Variants in GLIS1 observed in about 807,000 individuals in gnomAD.
GLIS1 encodes the protein GLIS family zinc finger 1, also known as zinc finger protein GLIS1.
GLIS1 carries 24 observed loss-of-function variants against 63.8 expected under a neutral mutation model. That is an observed-to-expected ratio of 0.38 (90% CI 0.27 to 0.53). The LOEUF (loss-of-function observed/expected upper bound fraction) is 0.53. GLIS1 is among the 20% of genes least tolerant of loss of function. The pLI is 0.85. For missense variants in GLIS1, 1,036 were observed against 1,074.1 expected, an observed-to-expected ratio of 0.96 and a Z score of 0.50; for synonymous variants, 450 against 482.5, an observed-to-expected ratio of 0.93 and a Z score of 0.88.
chr1:53,638,564 C>T (rs1285570892), intron 2 of GLIS1, among the ~76,000 whole-genome samples: 2 of 152,210 alleles, frequency 1.3e-5, no homozygotes, highest in Non-Finnish European at 2.9e-5. Context: ...GCCACCCAAT[C>T]CCAAAGCCTC....
intron 5 of GLIS1, among the ~76,000 whole-genome samples, chr1:53,527,213 G>A (rs550190626): frequency 1.2e-4 from 19 of 152,348 alleles, no homozygotes; most frequent in Non-Finnish European, 2.4e-4. Flanking sequence ...CGGTGGCCTC[G>A]AATGGTCCAG....
In GLIS1 at chr1:53,601,006, T is replaced by C. The variant is rs541570908; in HGVS notation, c.260-728A>G. Among the ~76,000 whole-genome samples, 68 of 152,208 alleles carry C rather than the reference T, an allele frequency of 4.5e-4. 2 individuals carry two copies. Among genetic ancestry groups the C allele is most frequent in the Middle Eastern group, 6.8e-3 (2 of 294 alleles). On this transcript the variant is annotated intron_variant, in intron 2 of 10. Transcript: ENST00000628545. ...AGAGTCAGGCGTGCTTGTTCTAAGC[T>C]CCTTCCCCTCTCTGGGCCTCAGTTT...
intron 7 of GLIS1, 144 bp downstream of exon 7, chr1:53,520,490 G>C (rs982279348): frequency 1.1e-6 from 1 of 914,658 alleles, no homozygotes; most frequent in Non-Finnish European, 1.5e-6. Flanking sequence ...ACCAGAGGCA[G>C]AGGCAACCAA....
rs59283679 is a variant in GLIS1, at chr1:53,524,785, G to T, written c.1585C>A (p.Arg529Ser). Reference sequence around the variant, plus strand: ...GAGGAGGGCTGGCTTACCTTCTTACGCACCTGCTGCTCTTTGGCTGAATGG... The same window carrying T: ...GAGGAGGGCTGGCTTACCTTCTTACTCACCTGCTGCTCTTTGGCTGAATGG... ...KAHSAKEQQV[R>S]KKLHAGPDTE... The change falls in exon 6 of 11, where the codon CGT (arginine) becomes AGT (serine). Residue 529 changes from arginine (R) to serine (S), a missense_variant. Arg to Ser is a moderately radical substitution (Grantham distance 110). Around this residue, in one of 3 missense-constraint regions of GLIS1, gnomAD observed 400 missense variants for 400.9 expected, o/e 1.00. Transcript: ENST00000628545. 6.2e-7 allele frequency: 1 copy of T among 1,612,420 alleles called. No individual in the cohort carries two copies. Among genetic ancestry groups the T allele is most frequent in the East Asian group, 2.2e-5 (1 of 44,874 alleles).
intron 2 of GLIS1, among the ~76,000 whole-genome samples, chr1:53,695,168 C>A (rs1646452027): frequency 6.6e-6 from 1 of 152,220 alleles, no homozygotes; most frequent in African/African-American, 2.4e-5. Context: ...GGAAAGCCCC[C>A]AGGCTCTGCT....
At position 53,734,676 on chromosome 1, in the gene GLIS1, C is replaced by T. The variant is rs577001799; in HGVS notation, c.259+3130G>A. Reference sequence around the variant, plus strand: ...CCCAAGGCAGGCAGAGCCCAGCTGGCGTGAGGGCAGACAAGAGGATGTGTG... The same window carrying T: ...CCCAAGGCAGGCAGAGCCCAGCTGGTGTGAGGGCAGACAAGAGGATGTGTG... On this transcript the variant is annotated intron_variant, in intron 2 of 10. Transcript: ENST00000628545. 5.3e-5 allele frequency among the ~76,000 whole-genome samples: 8 copies of T among 152,296 alleles called. No homozygotes were observed. In the East Asian group the frequency reaches 1.2e-3, roughly 22 times the overall value.
chr1:53,715,508 G>A (rs1054344783), intron 2 of GLIS1, among the ~76,000 whole-genome samples: 4 of 152,148 alleles, frequency 2.6e-5, no homozygotes, highest in African/African-American at 4.8e-5. Flanking sequence ...TGACGCTGTC[G>A]AATGACTGAC....
chr1:53,577,523 TGAA>T (rs1645044405), intron 4 of GLIS1, among the ~76,000 whole-genome samples: 1 of 152,084 alleles, frequency 6.6e-6, no homozygotes, highest in African/African-American at 2.4e-5. Flanking sequence ...GTGCGGGAAG[TGAA>T]GTTGTAAATA....
At chr1:53,529,106 G>A (rs1302709234) in intron 5 of GLIS1, among the ~76,000 whole-genome samples, 1 of 152,208 alleles carries the variant, frequency 6.6e-6, no homozygotes, top group African/African-American at 2.4e-5. Context: ...GATCCTGAGG[G>A]GTGAAGTTTT....
At chr1:53,733,931 C>G in intron 2 of GLIS1, 1 of 985,370 alleles carries the variant, frequency 1.0e-6, no homozygotes, top group Non-Finnish European at 1.2e-6. Context: ...GCTAGCCTTC[C>G]AAGGCCTCCC....
intron 4 of GLIS1, among the ~76,000 whole-genome samples, chr1:53,532,010 T>C (rs1203039465): frequency 6.6e-6 from 1 of 152,030 alleles, no homozygotes; most frequent in East Asian, 1.9e-4. Flanking sequence ...GAGTGGTTGA[T>C]GTGGGGTTCA....
rs142415866 is a variant in GLIS1 at position 53,586,481 on chromosome 1, T to C, written c.1320+7627A>G. ...TTCGTGACTGAACAGCCACTATCCA[T>C]TTTAGACTTTCCCTTTTCTCTTTCG... is the stretch of plus-strand genomic sequence containing the variant. On this transcript the variant is annotated intron_variant, in intron 4 of 10. Transcript: ENST00000628545. Among the ~76,000 whole-genome samples, 395 of 152,306 alleles carry C rather than the reference T, an allele frequency of 2.6e-3. 1 individual carries two copies. The highest frequency in any genetic ancestry group is 9.2e-3 in the African/African-American group (381 of 41,576).
rs538341264 is a variant in GLIS1 at position 53,727,356 on chromosome 1, T to C, written c.259+10450A>G. ...TGTCCTGGAGTGGAGATCTTGGGTG[T>C]GGACACCAATCACCACCCCAGCAGG... is the stretch of plus-strand genomic sequence containing the variant. On this transcript the variant is annotated intron_variant, in intron 2 of 10. Transcript: ENST00000628545. Among the ~76,000 whole-genome samples, 6 of 151,958 alleles carry C rather than the reference T, an allele frequency of 3.9e-5. No homozygotes were observed. The East Asian group carries it at 9.7e-4, about 25-fold the overall frequency.
At position 53,683,129 on chromosome 1, in the gene GLIS1, G is replaced by A. The variant is rs902141006; in HGVS notation, c.259+54677C>T. ...GCTTTAGAAGGAAAGGAAAGAAGGC[G>A]AGTTCAGTCCTGGCATATGGAGTCT... On this transcript the variant is annotated intron_variant, in intron 2 of 10. Coordinates refer to ENST00000628545, the MANE Select transcript of GLIS1 (RefSeq NM_001367484.1). 2.6e-5 allele frequency among the ~76,000 whole-genome samples: 4 copies of A among 152,054 alleles called. No individual in the cohort carries two copies. In the South Asian group the frequency reaches 8.3e-4, roughly 32 times the overall value.
intron 7 of GLIS1, among the ~76,000 whole-genome samples, chr1:53,520,068 T>C (rs1644390733): frequency 6.6e-6 from 1 of 152,138 alleles, no homozygotes; most frequent in South Asian, 2.1e-4. Context: ...ACTCACAGTC[T>C]GGTGGGGGAG....
At chr1:53,734,557 A>G (rs1453104102) in intron 2 of GLIS1, among the ~76,000 whole-genome samples, 1 of 152,166 alleles carries the variant, frequency 6.6e-6, no homozygotes, top group Non-Finnish European at 1.5e-5. Context: ...CCTGAACCTT[A>G]ATGTCTGCAT....
intron 2 of GLIS1, among the ~76,000 whole-genome samples, chr1:53,735,964 A>C (rs1203567327): frequency 6.6e-6 from 1 of 152,222 alleles, no homozygotes; most frequent in African/African-American, 2.4e-5. Context: ...TCCCTAGGCC[A>C]GGTTAGGCCA....
At chr1:53,596,741 G>A (rs1645259308) in intron 3 of GLIS1, among the ~76,000 whole-genome samples, 1 of 152,114 alleles carries the variant, frequency 6.6e-6, no homozygotes, top group South Asian at 2.1e-4. Flanking sequence ...CTCCAGTCAT[G>A]AGGTACAGGA....
intron 2 of GLIS1, among the ~76,000 whole-genome samples, chr1:53,669,917 C>G (rs1393381058): frequency 6.6e-6 from 1 of 152,228 alleles, no homozygotes; most frequent in East Asian, 1.9e-4. Flanking sequence ...ACTTCCTGAC[C>G]AGGACAGCAG....
Sources: allele counts gnomAD v4.1 joint callset (sites outside exome capture counted in the v4.1 genomes callset), GRCh38; gene constraint gnomAD v4.1.1; regional missense constraint gnomAD v4.1.1; transcripts MANE v1.5; gene names NCBI Gene and HGNC (gene_info 2026-07-23, HGNC 2026-07-21).